Variants in NHS observed in about 807,000 individuals in gnomAD.
NHS encodes NHS actin remodeling regulator, also known as actin remodeling regulator NHS.
NHS carries 5 observed loss-of-function variants against 72.5 expected under a neutral mutation model. The ratio of observed to expected loss-of-function variants is 0.07; its 90% CI spans 0.04 to 0.14. The LOEUF is 0.14. Among genes scored for constraint, NHS ranks in the 10% least tolerant of loss-of-function variants. The pLI is 1.00. For missense variants in NHS, 1,072 were observed against 1,355.7 expected, an observed-to-expected ratio of 0.79 and a Z score of 3.29; for synonymous variants, 464 against 547.7, an observed-to-expected ratio of 0.85 and a Z score of 2.13.
chrX:17,637,399 G>C lies in NHS; in HGVS notation c.566-50343G>C, dbSNP rs188933787. On this transcript the variant is annotated intron_variant, in intron 1 of 8. Coordinates refer to ENST00000676302, the MANE Select transcript of NHS (RefSeq NM_001291867.2). The stretch of plus-strand genomic sequence containing the variant: ...CAGACCAGGAAGGGACTGGGCGGGG[G>C]TGGTGGTGGTGACAGGGCTACTTGA... Among the ~76,000 whole-genome samples the C allele has an allele frequency of 2.7e-5, 3 of 111,477 alleles. No homozygotes were observed. The East Asian group carries it at 8.5e-4, about 32-fold the overall frequency.
At chrX:17,456,056 A>T (rs1451387206) in intron 1 of NHS, among the ~76,000 whole-genome samples, 1 of 111,876 alleles carries the variant, frequency 8.9e-6, no homozygotes, top group Non-Finnish European at 1.9e-5. Context: ...ATTACCTGTC[A>T]CCTCAGCCTG....
At chrX:17,546,506 A>C (rs2065294240) in intron 1 of NHS, among the ~76,000 whole-genome samples, 1 of 112,231 alleles carries the variant, frequency 8.9e-6, no homozygotes, top group South Asian at 3.7e-4. Context: ...TCAAGGGGTC[A>C]CTCACCCAGA....
intron 1 of NHS, among the ~76,000 whole-genome samples, chrX:17,540,852 G>A (rs1234836380): frequency 1.8e-5 from 2 of 111,714 alleles, no homozygotes; most frequent in Non-Finnish European, 3.8e-5. Flanking sequence ...GGCCAAGACG[G>A]GTGGATCACT....
intron 8 of NHS, among the ~76,000 whole-genome samples, 185 bp from the exon 9 acceptor site, chrX:17,731,673 G>C (rs759692293): frequency 3.6e-5 from 4 of 111,487 alleles, no homozygotes; most frequent in Non-Finnish European, 7.5e-5. Context: ...CTCAGACTGT[G>C]GGTGCTACAA....
At chrX:17,564,313 C>T (rs752304999) in intron 1 of NHS, among the ~76,000 whole-genome samples, 18 of 111,742 alleles carry the variant, frequency 1.6e-4, no homozygotes, top group African/African-American at 5.9e-4. Context: ...TTAACAGCAT[C>T]CCTGGCCTCT....
At chrX:17,529,830 T>C (rs1419096946) in intron 1 of NHS, among the ~76,000 whole-genome samples, 1 of 111,215 alleles carries the variant, frequency 9.0e-6, no homozygotes, top group East Asian at 2.8e-4. Context: ...TAGAAGGAGA[T>C]TTCGTGTTTA....
chrX:17,463,331 G>A (rs1167342981), intron 1 of NHS, among the ~76,000 whole-genome samples: 1 of 110,431 alleles, frequency 9.1e-6, no homozygotes, highest in East Asian at 2.8e-4. Flanking sequence ...TTGCTGGGGG[G>A]GAGGGCAGGT....
chrX:17,414,004 AT>A (rs891860553), intron 1 of NHS, among the ~76,000 whole-genome samples: 3 of 110,840 alleles, frequency 2.7e-5, no homozygotes, highest in African/African-American at 9.8e-5. Context: ...CCTGTTTTTT[AT>A]TTTTTTTCAA....
intron 1 of NHS, among the ~76,000 whole-genome samples, chrX:17,553,087 C>T (rs1371043809): frequency 8.8e-6 from 1 of 113,041 alleles, no homozygotes; most frequent in Non-Finnish European, 1.9e-5. Flanking sequence ...ACCACCCTAT[C>T]ACTCTTATCT....
chrX:17,696,444 G>C (rs866096863), intron 3 of NHS, among the ~76,000 whole-genome samples: 1 of 112,235 alleles, frequency 8.9e-6, no homozygotes, highest in Middle Eastern at 4.6e-3. Context: ...CTAGGCTGTG[G>C]TCAAATTGAG....
At chrX:17,400,526 C>T (rs2064498154) in intron 1 of NHS, among the ~76,000 whole-genome samples, 1 of 109,590 alleles carries the variant, frequency 9.1e-6, no homozygotes, top group African/African-American at 3.3e-5. Context: ...GCAGAGGTTG[C>T]AGTGAGCCCA....
At chrX:17,417,181 C>T (rs1041414287) in intron 1 of NHS, among the ~76,000 whole-genome samples, 5 of 109,870 alleles carry the variant, frequency 4.6e-5, no homozygotes, top group African/African-American at 1.7e-4. Flanking sequence ...TATTGCATAC[C>T]AGGGTCAGAA....
At chrX:17,512,952 C>T (rs2065097584) in intron 1 of NHS, among the ~76,000 whole-genome samples, 1 of 111,703 alleles carries the variant, frequency 9.0e-6, no homozygotes, top group African/African-American at 3.3e-5. Flanking sequence ...ACAACTTAAG[C>T]CAGAATGTCC....
chrX:17,713,052 A>G (rs111650923), intron 3 of NHS, among the ~76,000 whole-genome samples: 1,322 of 111,918 alleles, frequency 0.012, 19 homozygotes, highest in African/African-American at 0.04. Flanking sequence ...GTTACTAAAC[A>G]TGTTGGGAAG....
intron 1 of NHS, among the ~76,000 whole-genome samples, chrX:17,544,265 G>A (rs191438078): frequency 8.9e-6 from 1 of 112,131 alleles, no homozygotes; most frequent in East Asian, 2.8e-4. Context: ...GCTGGAAAGC[G>A]ACAGAGATAG....
At chrX:17,433,890 C>T (rs1240188044) in intron 1 of NHS, among the ~76,000 whole-genome samples, 1 of 112,251 alleles carries the variant, frequency 8.9e-6, no homozygotes, top group African/African-American at 3.2e-5. Flanking sequence ...ACTTCTACAA[C>T]ATCCCCAAAC....
chrX:17,621,156 G>A (rs754945539), intron 1 of NHS, among the ~76,000 whole-genome samples: 5 of 112,683 alleles, frequency 4.4e-5, no homozygotes, highest in East Asian at 2.8e-4. Context: ...GTCTGGAACC[G>A]CTTGGGAGGT....
intron 1 of NHS, among the ~76,000 whole-genome samples, chrX:17,624,401 A>G (rs1169717943): frequency 8.9e-6 from 1 of 112,673 alleles, no homozygotes; most frequent in African/African-American, 3.2e-5. Context: ...ACACTCCTGT[A>G]CCGGCTACTA....
intron 1 of NHS, among the ~76,000 whole-genome samples, chrX:17,545,419 T>C (rs1687651784): frequency 8.9e-6 from 1 of 112,007 alleles, no homozygotes; most frequent in African/African-American, 3.2e-5. Context: ...CGTTGGATCG[T>C]CTATACCTGG....
Sources: gnomAD v4.1 joint callset for allele counts (sites outside exome capture counted in the v4.1 genomes callset) on GRCh38, gnomAD v4.1.1 for gene constraint, MANE v1.5 for transcripts, NCBI Gene and HGNC (gene_info 2026-07-23, HGNC 2026-07-21) for gene names.